Variants in MAF observed in about 807,000 individuals in gnomAD.
MAF encodes transcription factor Maf.
A neutral mutation model predicts 22.0 loss-of-function variants in MAF; 10 were observed. The ratio of observed to expected loss-of-function variants is 0.45; its 90% CI spans 0.28 to 0.77. The LOEUF (loss-of-function observed/expected upper bound fraction) is 0.77. Among genes scored for constraint, MAF ranks in the 30% least tolerant of loss-of-function variants. The pLI is 0.12. For missense variants in MAF, 544 were observed against 548.4 expected, an observed-to-expected ratio of 0.99 and a Z score of 0.08; for synonymous variants, 337 against 255.8, an observed-to-expected ratio of 1.32 and a Z score of -3.03.
chr16:79,219,088 C>T, the MAF span, among the ~76,000 whole-genome samples: 1 of 152,186 alleles, frequency 6.6e-6, no homozygotes, highest in Admixed American at 6.5e-5. Context: ...CAAGGCCATG[C>T]CCTGCTGCAT....
the MAF span, among the ~76,000 whole-genome samples, chr16:79,511,487 A>T: frequency 6.6e-6 from 1 of 152,172 alleles, no homozygotes; most frequent in Non-Finnish European, 1.5e-5. Flanking sequence ...CTTAACTGAC[A>T]ATAAAAACAT....
At chr16:79,415,437 G>A in the MAF span, among the ~76,000 whole-genome samples, 2 of 151,936 alleles carry the variant, frequency 1.3e-5, no homozygotes, top group Non-Finnish European at 2.9e-5. Flanking sequence ...TTGTTGGGTG[G>A]TTCAGGACTC....
the MAF span, among the ~76,000 whole-genome samples, chr16:79,443,322 C>T: frequency 2.6e-5 from 4 of 152,164 alleles, no homozygotes; most frequent in Admixed American, 2.0e-4. Context: ...ACCCCAACCC[C>T]TGCCTAATAC....
At chr16:79,410,298 C>A in the MAF span, among the ~76,000 whole-genome samples, 638 of 152,296 alleles carry the variant, frequency 4.2e-3, 6 homozygotes, top group African/African-American at 0.015. Context: ...GCCCAATTTG[C>A]GAATCTTTCA....
At chr16:79,212,081 T>A in the MAF span, 1 of 1,536,284 alleles carries the variant, frequency 6.5e-7, no homozygotes, top group Non-Finnish European at 8.7e-7. Context: ...GTTCCGTATC[T>A]CCCTGGAGAA....
the MAF span, among the ~76,000 whole-genome samples, chr16:79,339,315 T>A: frequency 1.3e-5 from 2 of 152,204 alleles, no homozygotes; most frequent in African/African-American, 2.4e-5. Context: ...TGCCTCGGCC[T>A]CCCAGAGTGC....
chr16:79,598,578 T>TGG (rs757541754), intron 1 of MAF: 773 of 1,293,216 alleles, frequency 6.0e-4, no homozygotes, highest in Admixed American at 5.0e-3. Context: ...GAGCAGGGTG[T>TGG]GGGGTGTGTG....
the MAF span, among the ~76,000 whole-genome samples, chr16:79,257,026 A>G: frequency 2.0e-5 from 3 of 151,972 alleles, no homozygotes; most frequent in Admixed American, 1.3e-4. Flanking sequence ...AAAATACAAA[A>G]ATTAGCCAGG....
chr16:79,320,336 C>T, the MAF span, among the ~76,000 whole-genome samples: 1 of 152,114 alleles, frequency 6.6e-6, no homozygotes, highest in Non-Finnish European at 1.5e-5. Context: ...AGAGAAGATA[C>T]GGGGCTTCCT....
the MAF span, chr16:79,212,298 C>G: frequency 3.0e-6 from 3 of 995,608 alleles, no homozygotes; most frequent in East Asian, 2.6e-5. Context: ...AGCTTAGCAA[C>G]TGCTGGGGAG....
chr16:79,326,697 A>T, the MAF span, among the ~76,000 whole-genome samples: 1 of 152,246 alleles, frequency 6.6e-6, no homozygotes, highest in East Asian at 1.9e-4. Context: ...CCACAGGAGT[A>T]TGTAAATGCA....
chr16:79,354,569 A>G, the MAF span, among the ~76,000 whole-genome samples: 2 of 152,170 alleles, frequency 1.3e-5, no homozygotes, highest in Non-Finnish European at 2.9e-5. Flanking sequence ...GAGAAGGTGT[A>G]ACTGGCCAGA....
the MAF span, among the ~76,000 whole-genome samples, chr16:79,408,589 T>C: frequency 1.3e-5 from 1 of 79,570 alleles, no homozygotes; most frequent in Non-Finnish European, 2.4e-5. Flanking sequence ...ATAAACTTTC[T>C]TCCTTCCTTC....
the MAF span, among the ~76,000 whole-genome samples, chr16:79,355,614 A>G: frequency 6.6e-6 from 1 of 152,228 alleles, no homozygotes; most frequent in African/African-American, 2.4e-5. Flanking sequence ...TTATGTGAGA[A>G]TAAGCATACA....
At chr16:79,324,356 T>C in the MAF span, among the ~76,000 whole-genome samples, 390 of 152,276 alleles carry the variant, frequency 2.6e-3, 2 homozygotes, top group African/African-American at 8.5e-3. Flanking sequence ...CAAATATGGA[T>C]TGAAAACACA....
the MAF span, among the ~76,000 whole-genome samples, chr16:79,402,514 A>G: frequency 6.6e-6 from 1 of 152,164 alleles, no homozygotes; most frequent in African/African-American, 2.4e-5. Context: ...ACACTGGGCC[A>G]GTGGGTGTGA....
the MAF span, among the ~76,000 whole-genome samples, chr16:79,288,037 TTTCACTG>T: frequency 6.6e-6 from 1 of 152,202 alleles, no homozygotes. Flanking sequence ...TGGGGATATT[TTTCACTG>T]CTTGTAATTA....
At chr16:79,360,342 T>G in the MAF span, among the ~76,000 whole-genome samples, 121 of 152,250 alleles carry the variant, frequency 7.9e-4, no homozygotes, top group African/African-American at 2.6e-3. Flanking sequence ...TGCCCTTAAA[T>G]GATGCCCTAC....
At chr16:79,592,111 G>A (rs1464440756), downstream of MAF, among the ~76,000 whole-genome samples, 4 of 152,192 alleles carry the variant, frequency 2.6e-5, no homozygotes, top group Non-Finnish European at 4.4e-5. Context: ...CCTTTCTCTT[G>A]TTTCCCTCAT....
Sources: gnomAD v4.1 joint callset for allele counts (sites outside exome capture counted in the v4.1 genomes callset) on GRCh38, gnomAD v4.1.1 for gene constraint, MANE v1.5 for transcripts, NCBI Gene and HGNC (gene_info 2026-07-23, HGNC 2026-07-21) for gene names.